Variants in LTN1 observed in about 807,000 individuals in gnomAD.
LTN1 encodes the protein listerin E3 ubiquitin protein ligase 1, also known as E3 ubiquitin-protein ligase listerin.
Under a neutral mutation model 201.2 loss-of-function variants are expected in LTN1, and 88 were observed. The observed-to-expected ratio is 0.44, with a 90% CI of 0.37 to 0.52. The LOEUF (loss-of-function observed/expected upper bound fraction) is 0.52, where lower values mean the gene tolerates loss of function less well. Among genes scored for constraint, LTN1 ranks in the 20% least tolerant of loss-of-function variants. The pLI is 0.00. For synonymous variants in LTN1, 645 were observed against 713.5 expected, an observed-to-expected ratio of 0.90 and a Z score of 1.53; for missense variants, 1,752 against 2,038.7, an observed-to-expected ratio of 0.86 and a Z score of 2.71.
intron 25 of LTN1, among the ~76,000 whole-genome samples, chr21:28,940,319 G>C (rs2084287412): frequency 6.6e-6 from 1 of 152,154 alleles, no homozygotes; most frequent in Non-Finnish European, 1.5e-5. Context: ...AGAAAAACTA[G>C]AGAGATCTTT....
At chr21:28,969,695 A>C (rs2084557520) in intron 8 of LTN1, 94 bp from the exon 9 acceptor site, 2 of 832,628 alleles carry the variant, frequency 2.4e-6, no homozygotes, top group Non-Finnish European at 3.6e-6. Flanking sequence ...GCATCATGAC[A>C]GAAGAAACAT....
At chr21:28,964,448 C>A in intron 11 of LTN1, 1 of 786,908 alleles carries the variant, frequency 1.3e-6, no homozygotes, top group Non-Finnish European at 1.9e-6. Flanking sequence ...AAGATATGTA[C>A]ATTGGTTTTC....
At chr21:28,947,373 C>A (rs1198125664) in intron 19 of LTN1, 91 bp downstream of exon 19, 2 of 1,028,566 alleles carry the variant, frequency 1.9e-6, no homozygotes, top group Admixed American at 3.6e-5. Flanking sequence ...ATTCAATTTA[C>A]CTCTGCTAGA....
chr21:28,986,105 A>C lies in LTN1; in HGVS notation c.345+34T>G. 7.9e-7 allele frequency: 1 copy of C among 1,258,560 alleles called. No individual in the cohort carries two copies. Among genetic ancestry groups the C allele is most frequent in the Admixed American group, 1.7e-5 (1 of 57,346 alleles). 78.0% of individuals were successfully genotyped at this position (1,258,560 alleles called of 1,614,324 possible). ...CCATGACTCCAACCAAAAAATATAC[A>C]ACAGAAATAAACTAGCAAAGTTTTA... On this transcript the variant is annotated intron_variant, in intron 3 of 29. Transcript: ENST00000361371. The surrounding 1 kb of genome is among the most constrained non-coding windows in gnomAD (Gnocchi z 4.1).
intron 11 of LTN1, chr21:28,964,677 AACAC>A: frequency 6.4e-7 from 1 of 1,550,514 alleles, no homozygotes; most frequent in Non-Finnish European, 8.7e-7. Flanking sequence ...GCAGGCAGCA[AACAC>A]TGGCTAGGAA....
At position 28,984,721 on chromosome 21, in the gene LTN1, T is replaced by C; in HGVS notation, c.547A>G (p.Ile183Val). 1 of 1,614,010 alleles carries C rather than the reference T, an allele frequency of 6.2e-7. No homozygotes were observed. Among genetic ancestry groups the C allele is most frequent in the Non-Finnish European group, 8.5e-7 (1 of 1,179,892 alleles). ...AFPPSKQPEA[I>V]AFCKDEITSV... ...GTAATTTCATCCTTACAAAATGCTA[T>C]GGCTTCAGGTTGCTTGCTTGGAGGA... The change falls in exon 4 of 30, where the codon ATA (isoleucine) becomes GTA (valine). Residue 183 changes from isoleucine to valine, a missense_variant. Around this residue, in one of 3 missense-constraint regions of LTN1, gnomAD observed 280 missense variants for 375.7 expected, o/e 0.75. Transcript: ENST00000361371.
At chr21:28,936,872 G>C (rs1601163878) in intron 25 of LTN1, among the ~76,000 whole-genome samples, 175 bp from the exon 26 acceptor site, 1 of 152,108 alleles carries the variant, frequency 6.6e-6, no homozygotes, top group East Asian at 1.9e-4. Flanking sequence ...GTATTACAAT[G>C]CACTCACCTT....
At position 28,936,771 on chromosome 21, in the gene LTN1, G is replaced by A. The variant is rs16983564; in HGVS notation, c.4483-74C>T. 441 of 1,152,894 alleles carry A rather than the reference G, an allele frequency of 3.8e-4. 1 individual carries two copies. The East Asian group carries it at 9.4e-3, about 25-fold the overall frequency. The allele number at this position is 1,152,894 out of a possible 1,614,324, so 71.4% of individuals were successfully genotyped here. A position where few individuals can be genotyped will look rare whatever the true frequency, so the allele number is the denominator to read the frequency against. ...TTGGTATAAAAGAACAACTCAAAGTGTAACAAATTTCCTTTCCTCATAAAC... is the reference window on the plus strand; with the variant it reads ...TTGGTATAAAAGAACAACTCAAAGTATAACAAATTTCCTTTCCTCATAAAC... On this transcript the variant is annotated intron_variant, in intron 25 of 29. Transcript: ENST00000361371.
Position 28,959,083 on chromosome 21 carries a change from G to T in LTN1, c.2593+375C>A, listed in dbSNP as rs182634257. Among the ~76,000 whole-genome samples the T allele has an allele frequency of 3.3e-5, 5 of 152,206 alleles. No homozygotes were observed. In the East Asian group the frequency reaches 9.6e-4, roughly 29 times the overall value. On this transcript the variant is annotated intron_variant, in intron 13 of 29. Transcript: ENST00000361371. ...AAAAAGATAATTTCAATTCTATTTT[G>T]ATATACACCAAAGATTGAATGTTTT... is the stretch of plus-strand genomic sequence containing the variant.
intron 28 of LTN1, among the ~76,000 whole-genome samples, chr21:28,931,820 T>C (rs1212993375): frequency 6.6e-6 from 1 of 152,102 alleles, no homozygotes; most frequent in African/African-American, 2.4e-5. Context: ...ATGGCCAACA[T>C]AGTGAAACCC....
chr21:28,935,272 G>A lies in LTN1; in HGVS notation c.4712C>T (p.Thr1571Ile), dbSNP rs376741773. The change falls in exon 27 of 30, where the codon ACA (threonine) becomes ATA (isoleucine). Residue 1571 changes from threonine (T) to isoleucine (I), a missense_variant. Physicochemically the swap from Thr to Ile is moderately conservative, Grantham distance 89 (BLOSUM62 -1). Coordinates refer to ENST00000361371, the MANE Select transcript of LTN1 (RefSeq NM_015565.3). The stretch of plus-strand genomic sequence containing the variant: ...AACCATGGCAGGCAAGTCTTTTAAT[G>A]TCATATGATAGACTGAACAAGCCAA... ...PHLACSVYHM[T>I]LKDLPAMVRL... is the part of the protein sequence containing the mutation. 10 of 1,613,972 alleles carry A rather than the reference G, an allele frequency of 6.2e-6. No homozygotes were observed. The highest frequency in any genetic ancestry group is 1.3e-5 in the African/African-American group (1 of 74,914).
chr21:28,942,121 G>C (rs1352719931), intron 24 of LTN1, among the ~76,000 whole-genome samples: 1 of 151,948 alleles, frequency 6.6e-6, no homozygotes, highest in Non-Finnish European at 1.5e-5. Flanking sequence ...TTCTTCCCTT[G>C]TGGCTTCCTT....
chr21:28,978,590 G>A (rs923077958), intron 6 of LTN1, among the ~76,000 whole-genome samples: 7 of 152,148 alleles, frequency 4.6e-5, no homozygotes, highest in African/African-American at 1.7e-4. Context: ...TGACTTAAAG[G>A]TGGGAATAGC....
Position 28,957,434 on chromosome 21 carries a change from T to G in LTN1, c.2790A>C (p.Thr930=). The change falls in exon 15 of 30, where the codon ACA becomes ACC. Residue 930 remains threonine, a synonymous_variant. Transcript: ENST00000361371. ...GATAAGAATCTTCACTCTCTAGAAG[T>G]GTATTTAGCAAATCATCAACAGCAG... ...LLSAVDDLLN[T]LLESEDSYLM... The G allele has an allele frequency of 6.3e-7, 1 of 1,591,120 alleles. No individual in the cohort carries two copies. The highest frequency in any genetic ancestry group is 8.5e-7 in the Non-Finnish European group (1 of 1,171,728).
At position 28,986,769 on chromosome 21, in the gene LTN1, G is replaced by T. The variant is rs771884216; in HGVS notation, c.208C>A (p.Arg70=). ...LVDSDFRMVL[R]KLSKKDVTTK... ...GTGACATCTTTCTTTGAAAGTTTCC[G>T]CAGCACCATTCGGAAATCAGAATCT... The change falls in exon 2 of 30, where the codon CGG becomes AGG. Residue 70 remains arginine (R), a synonymous_variant. Transcript: ENST00000361371. This position sits in a 1 kb window ranked among gnomAD's most constrained non-coding sequence, Gnocchi z 4.1. 3.1e-6 allele frequency: 5 copies of T among 1,613,986 alleles called. No individual in the cohort carries two copies. The highest frequency in any genetic ancestry group is 3.3e-4 in the Middle Eastern group (2 of 6,062).
At position 28,981,245 on chromosome 21, in the gene LTN1, G is replaced by A; in HGVS notation, c.684C>T (p.Ser228=). 1 of 1,593,164 alleles carries A rather than the reference G, an allele frequency of 6.3e-7. No individual in the cohort carries two copies. The highest frequency in any genetic ancestry group is 8.5e-7 in the Non-Finnish European group (1 of 1,173,578). ...AAAGTAATCTCTTTAATGCCAATAA[G>A]GAACAAGTTACAACCCGGTAGAATT... ...EAKFYRVVTC[S]LLALKRLLCL... is the part of the protein sequence containing the mutation. Residue 228 remains serine (S), a synonymous_variant, in exon 6 of 30, where the codon TCC becomes TCT. Coordinates refer to ENST00000361371, the MANE Select transcript of LTN1 (RefSeq NM_015565.3).
chr21:28,979,619 CAT>C (rs1456808523), intron 6 of LTN1, among the ~76,000 whole-genome samples: 2 of 152,138 alleles, frequency 1.3e-5, no homozygotes, highest in African/African-American at 4.8e-5. Flanking sequence ...TCACAAATCC[CAT>C]GTTTGCCAAT....
At chr21:28,965,152 T>TA (rs1030246705) in intron 11 of LTN1, among the ~76,000 whole-genome samples, 1 of 152,138 alleles carries the variant, frequency 6.6e-6, no homozygotes, top group African/African-American at 2.4e-5. Flanking sequence ...GTGTTTTTTT[T>TA]ACTACAATTT....
At chr21:28,943,606 T>A in intron 23 of LTN1, 61 bp downstream of exon 23, 1 of 1,243,068 alleles carries the variant, frequency 8.0e-7, no homozygotes. Context: ...AAGTAAAAAC[T>A]AAGCATATAT....
Sources: allele counts gnomAD v4.1 joint callset (sites outside exome capture counted in the v4.1 genomes callset), GRCh38; gene constraint gnomAD v4.1.1; regional missense constraint gnomAD v4.1.1; non-coding constraint Gnocchi (gnomAD v3.1); transcripts MANE v1.5; gene names NCBI Gene and HGNC (gene_info 2026-07-23, HGNC 2026-07-21).